Variants in ATR observed in about 807,000 individuals in gnomAD.
ATR encodes ATR checkpoint kinase.
Under a neutral mutation model 305.3 loss-of-function variants are expected in ATR, and 142 were observed. The ratio of observed to expected loss-of-function variants is 0.47; its 90% CI spans 0.41 to 0.53. ATR has a LOEUF of 0.53. Among genes scored for constraint, ATR ranks in the 20% least tolerant of loss-of-function variants. The pLI, the probability that ATR is intolerant of heterozygous loss-of-function variation, is 0.00. For missense variants in ATR, 2,135 were observed against 3,133.1 expected, an observed-to-expected ratio of 0.68 and a Z score of 7.60; for synonymous variants, 1,050 against 1,068.1, an observed-to-expected ratio of 0.98 and a Z score of 0.33.
chr3:142,511,591 G>C (rs1010584751), intron 27 of ATR, among the ~76,000 whole-genome samples: 1 of 152,004 alleles, frequency 6.6e-6, no homozygotes, highest in Non-Finnish European at 1.5e-5. Flanking sequence ...AGGAGGTAGA[G>C]GTTGCAGTGA....
At chr3:142,570,362 T>C (rs999187365) in intron 1 of ATR, among the ~76,000 whole-genome samples, 2 of 152,156 alleles carry the variant, frequency 1.3e-5, no homozygotes, top group African/African-American at 4.8e-5. Flanking sequence ...CATAATGTTT[T>C]CCCTCTATGT....
intron 29 of ATR, among the ~76,000 whole-genome samples, chr3:142,504,757 T>A (rs1469391161): frequency 9.2e-5 from 14 of 152,182 alleles, no homozygotes; most frequent in Non-Finnish European, 1.9e-4. Flanking sequence ...AGCCGCCGCA[T>A]CCGGCCTGGA....
chr3:142,561,278 T>G lies in ATR; in HGVS notation c.1314A>C (p.Leu438=), dbSNP rs1241747367. The change falls in exon 5 of 47, where the codon CTA becomes CTC. Residue 438 remains leucine (L), a synonymous_variant. Coordinates refer to ENST00000350721, the MANE Select transcript of ATR (RefSeq NM_001184.4). ...SPKRRRLSSS[L]NPSKRAPKQT... Reference sequence around the variant, plus strand: ...GTTTTGGTGCTCTTTTAGAAGGGTTTAGAGACGAGCTGAGACGACGCCTTT... The same window carrying G: ...GTTTTGGTGCTCTTTTAGAAGGGTTGAGAGACGAGCTGAGACGACGCCTTT... 1 of 1,614,132 alleles carries G rather than the reference T, an allele frequency of 6.2e-7. No individual in the cohort carries two copies. Among genetic ancestry groups the G allele is most frequent in the Non-Finnish European group, 8.5e-7 (1 of 1,179,980 alleles).
chr3:142,474,683 T>A (rs554746401), intron 36 of ATR, among the ~76,000 whole-genome samples: 2 of 152,272 alleles, frequency 1.3e-5, no homozygotes, highest in South Asian at 2.1e-4. Flanking sequence ...TAGAAAAAAA[T>A]TGATGACTTC....
intron 23 of ATR, among the ~76,000 whole-genome samples, chr3:142,520,352 TA>T (rs768119913): frequency 6.6e-6 from 1 of 152,138 alleles, no homozygotes; most frequent in Non-Finnish European, 1.5e-5. Context: ...TCTCTCACTT[TA>T]AATCAAAAGC....
intron 29 of ATR, among the ~76,000 whole-genome samples, chr3:142,503,891 A>G (rs976446253): frequency 1.3e-5 from 2 of 152,254 alleles, no homozygotes; most frequent in Non-Finnish European, 2.9e-5. Flanking sequence ...TATAAAAAGT[A>G]TCTAATATCT....
intron 23 of ATR, 45 bp downstream of exon 23, chr3:142,522,683 T>C (rs2108395200): frequency 8.2e-6 from 12 of 1,461,588 alleles, no homozygotes; most frequent in Non-Finnish European, 1.2e-5. Context: ...CGTTCTTATT[T>C]GAATTAAACA....
At chr3:142,561,196 A>G (rs764061198) in intron 5 of ATR, 47 bp downstream of exon 5, 2 of 1,585,526 alleles carry the variant, frequency 1.3e-6, no homozygotes, top group Non-Finnish European at 1.7e-6. Context: ...AAAGTGAACA[A>G]AGTTTTATTT....
intron 42 of ATR, 57 bp from the exon 43 acceptor site, chr3:142,459,440 G>GT (rs928544213): frequency 2.5e-5 from 40 of 1,586,714 alleles, no homozygotes; most frequent in South Asian, 5.6e-5. Flanking sequence ...AAGGGGCAAA[G>GT]TTTTTTTTGT....
At chr3:142,473,254 C>T (rs1245741901) in intron 36 of ATR, among the ~76,000 whole-genome samples, 2 of 152,042 alleles carry the variant, frequency 1.3e-5, no homozygotes, top group East Asian at 3.9e-4. Flanking sequence ...AGTTTTTAAG[C>T]CATTTTGAGT....
chr3:142,469,756 G>A (rs1325813127), intron 37 of ATR, among the ~76,000 whole-genome samples, 187 bp from the exon 38 acceptor site: 1 of 152,162 alleles, frequency 6.6e-6, no homozygotes, highest in Admixed American at 6.5e-5. Context: ...AAAATATTTA[G>A]AGCCATTCAA....
intron 2 of ATR, 143 bp downstream of exon 2, chr3:142,567,920 T>C (rs2035126842): frequency 1.5e-6 from 1 of 675,850 alleles, no homozygotes; most frequent in East Asian, 2.8e-5. Flanking sequence ...GCAATACTGA[T>C]TAACAAATAA....
chr3:142,455,298 C>T lies in ATR; in HGVS notation c.7656-2065G>A, dbSNP rs2070880325. Among the ~76,000 whole-genome samples the T allele has an allele frequency of 2.0e-5, 3 of 152,194 alleles. No individual in the cohort carries two copies. The South Asian group carries it at 6.2e-4, about 32-fold the overall frequency. ...AAATGGAAAAACATTCTATGTTCATCGATCAGAAGACTTAACATGGTTAAG... is the reference window on the plus strand; with the variant it reads ...AAATGGAAAAACATTCTATGTTCATTGATCAGAAGACTTAACATGGTTAAG... On this transcript the variant is annotated intron_variant, in intron 45 of 46. Transcript: ENST00000350721.
At chr3:142,536,695 C>T (rs1029653083) in intron 19 of ATR, among the ~76,000 whole-genome samples, 3 of 152,194 alleles carry the variant, frequency 2.0e-5, no homozygotes, top group African/African-American at 7.2e-5. Flanking sequence ...CCCAGTCTAC[C>T]TGCCCCCTGA....
chr3:142,452,305 G>A (rs758163121), intron 46 of ATR: 23 of 987,818 alleles, frequency 2.3e-5, no homozygotes, highest in Non-Finnish European at 2.4e-5. Flanking sequence ...TAGTAAGCCT[G>A]TACAAGACTT....
At chr3:142,452,098 A>T (rs1285614828) in intron 46 of ATR, 1 of 1,021,730 alleles carries the variant, frequency 9.8e-7, no homozygotes, top group Non-Finnish European at 1.2e-6. Context: ...TAGTTCTTTT[A>T]GAAGAACTAA....
intron 32 of ATR, among the ~76,000 whole-genome samples, chr3:142,498,369 G>A (rs1256587253): frequency 2.0e-5 from 3 of 152,096 alleles, no homozygotes; most frequent in Non-Finnish European, 2.9e-5. Context: ...ACAAACATAA[G>A]ATATTTTTAT....
intron 35 of ATR, 113 bp downstream of exon 35, chr3:142,493,019 G>A (rs2031379441): frequency 8.5e-7 from 1 of 1,182,936 alleles, no homozygotes. Flanking sequence ...TATACTCACT[G>A]AAAAGTCAAA....
intron 22 of ATR, 76 bp downstream of exon 22, chr3:142,523,917 A>T: frequency 7.0e-7 from 1 of 1,430,654 alleles, no homozygotes; most frequent in Non-Finnish European, 9.7e-7. Flanking sequence ...TAAGCTGAAT[A>T]GTTCTTTGTA....
Sources: allele counts gnomAD v4.1 joint callset (sites outside exome capture counted in the v4.1 genomes callset), GRCh38; gene constraint gnomAD v4.1.1; transcripts MANE v1.5; gene names NCBI Gene and HGNC (gene_info 2026-07-23, HGNC 2026-07-21).